Variants in HABP2 observed in about 807,000 individuals in gnomAD.
The protein encoded by HABP2 is factor VII-activating protease.
A neutral mutation model predicts 66.5 loss-of-function variants in HABP2; 65 were observed. The ratio of observed to expected loss-of-function variants is 0.98; its 90% CI spans 0.80 to 1.20. The LOEUF is 1.20. Among genes scored for constraint, HABP2 ranks in the 50% most tolerant of loss-of-function variants. The pLI, the probability that HABP2 is intolerant of heterozygous loss-of-function variation, is 0.00. For synonymous variants in HABP2, 263 were observed against 253.9 expected, an observed-to-expected ratio of 1.04 and a Z score of -0.34; for missense variants, 786 against 691.0, an observed-to-expected ratio of 1.14 and a Z score of -1.54.
chr10:113,551,816 T>C (rs1844903812), upstream of HABP2, among the ~76,000 whole-genome samples: 1 of 151,018 alleles, frequency 6.6e-6, no homozygotes, highest in African/African-American at 2.4e-5. Context: ...AAAATAATAA[T>C]AATAATAATA....
chr10:113,581,317 G>A (rs563100814), intron 8 of HABP2, among the ~76,000 whole-genome samples: 8 of 152,252 alleles, frequency 5.3e-5, no homozygotes, highest in Non-Finnish European at 1.0e-4. Context: ...CAAGTAAAAT[G>A]TTATCTCTGC....
chr10:113,576,664 A>G (rs191554162), intron 4 of HABP2, among the ~76,000 whole-genome samples: 2 of 152,180 alleles, frequency 1.3e-5, no homozygotes, highest in Admixed American at 1.3e-4. Flanking sequence ...GGCCTTAGGT[A>G]TATGTACAGC....
At chr10:113,552,079 G>T (rs980237427), upstream of HABP2, among the ~76,000 whole-genome samples, 1 of 152,248 alleles carries the variant, frequency 6.6e-6, no homozygotes, top group East Asian at 1.9e-4. Flanking sequence ...GGCCCTCCCC[G>T]GCTAGCAACT....
intron 11 of HABP2, among the ~76,000 whole-genome samples, chr10:113,584,804 C>T (rs969035245): frequency 3.3e-5 from 5 of 152,118 alleles, no homozygotes; most frequent in Non-Finnish European, 5.9e-5. Flanking sequence ...GTACTTTGCT[C>T]GGGGTTCTCC....
At chr10:113,570,081 C>T (rs1473857434) in intron 2 of HABP2, 2 of 152,214 alleles carry the variant, frequency 1.3e-5, no homozygotes, top group Non-Finnish European at 2.9e-5. Context: ...AAAGCTAAAA[C>T]CCAAGGACTT....
At chr10:113,554,905 C>T (rs539156260) in intron 1 of HABP2, among the ~76,000 whole-genome samples, 29 of 152,274 alleles carry the variant, frequency 1.9e-4, no homozygotes, top group African/African-American at 6.0e-4. Flanking sequence ...AGAGAGGATT[C>T]GGGGCTTTGG....
chr10:113,585,799 G>T lies in HABP2; in HGVS notation c.1379G>T (p.Gly460Val). Reference protein sequence around the residue: ...SGWGVTETGKGSRQLLDAKVK... With the variant: ...SGWGVTETGKVSRQLLDAKVK... Reference sequence around the variant, plus strand: ...CTCTGCACCTTCCCCACAGGAAAAGGGTCCCGCCAGCTCCTGGATGCCAAA... The same window carrying T: ...CTCTGCACCTTCCCCACAGGAAAAGTGTCCCGCCAGCTCCTGGATGCCAAA... Residue 460 changes from glycine to valine, a missense_variant, in exon 12 of 13, where the codon GGG becomes GTG. Coordinates refer to ENST00000351270, the MANE Select transcript of HABP2 (RefSeq NM_004132.5). 3 of 1,613,582 alleles carry T rather than the reference G, an allele frequency of 1.9e-6. No homozygotes were observed. The highest frequency in any genetic ancestry group is 2.2e-5 in the South Asian group (2 of 91,060).
intron 11 of HABP2, among the ~76,000 whole-genome samples, chr10:113,585,361 G>A (rs1321086527): frequency 6.6e-6 from 1 of 152,196 alleles, no homozygotes; most frequent in Non-Finnish European, 1.5e-5. Flanking sequence ...TTCAAAACAT[G>A]TTTTGATTGA....
chr10:113,566,059 C>T (rs1302236359), intron 1 of HABP2, among the ~76,000 whole-genome samples: 2 of 152,176 alleles, frequency 1.3e-5, no homozygotes, highest in Non-Finnish European at 2.9e-5. Flanking sequence ...AGGAAGCCTA[C>T]AGTAAAACAG....
At chr10:113,582,184 C>A (rs1845551738) in intron 9 of HABP2, 53 bp downstream of exon 9, 2 of 1,537,088 alleles carry the variant, frequency 1.3e-6, no homozygotes, top group African/African-American at 2.7e-5. Context: ...TGGGGGTGCT[C>A]TCCCCTTCCC....
At position 113,588,636 on chromosome 10, in the gene HABP2, C is replaced by A; in HGVS notation, c.*267C>A. Reference sequence around the variant, plus strand: ...TGTTTGCTTTCCTTACCCAATTGTACCTTCTAGAAAATCAGTGTTCACAGA... The same window carrying A: ...TGTTTGCTTTCCTTACCCAATTGTAACTTCTAGAAAATCAGTGTTCACAGA... On this transcript the variant is annotated 3_prime_UTR_variant, in exon 13 of 13. Coordinates refer to ENST00000351270, the MANE Select transcript of HABP2 (RefSeq NM_004132.5). 1 of 521,962 alleles carries A rather than the reference C, an allele frequency of 1.9e-6. No individual in the cohort carries two copies. Among genetic ancestry groups the A allele is most frequent in the South Asian group, 3.3e-5 (1 of 30,660 alleles). The allele number at this position is 521,962 out of a possible 1,614,324, so 32.3% of individuals were successfully genotyped here.
At chr10:113,585,554 T>C (rs1188377403) in intron 11 of HABP2, among the ~76,000 whole-genome samples, 1 of 152,128 alleles carries the variant, frequency 6.6e-6, no homozygotes, top group African/African-American at 2.4e-5. Flanking sequence ...ATGGCCTACC[T>C]GGGGAAAGAG....
chr10:113,551,173 C>T (rs949755777), upstream of HABP2, among the ~76,000 whole-genome samples: 5 of 152,200 alleles, frequency 3.3e-5, no homozygotes, highest in African/African-American at 7.2e-5. Context: ...ACTTATTGAG[C>T]GTCTATCCAG....
intron 1 of HABP2, among the ~76,000 whole-genome samples, chr10:113,554,316 T>C (rs1844952351): frequency 1.3e-5 from 2 of 152,346 alleles, no homozygotes; most frequent in South Asian, 2.1e-4. Flanking sequence ...CTCTGTCTTA[T>C]TAAGTACCTT....
At position 113,568,123 on chromosome 10, in the gene HABP2, G is replaced by A. The variant is rs533024824; in HGVS notation, c.106+598G>A. On this transcript the variant is annotated intron_variant, in intron 2 of 12. Coordinates refer to ENST00000351270, the MANE Select transcript of HABP2 (RefSeq NM_004132.5). The stretch of plus-strand genomic sequence containing the variant: ...TATTGTCTCCCTTTCCTGTGTCCTC[G>A]GCCTTGTGCCCACAGCGTGCGCAAG... 3.3e-5 allele frequency among the ~76,000 whole-genome samples: 5 copies of A among 152,252 alleles called. No individual in the cohort carries two copies. The South Asian group carries it at 6.2e-4, about 19-fold the overall frequency.
At chr10:113,559,132 G>A (rs910900073) in intron 1 of HABP2, among the ~76,000 whole-genome samples, 1 of 152,274 alleles carries the variant, frequency 6.6e-6, no homozygotes, top group Non-Finnish European at 1.5e-5. Flanking sequence ...TGGGATTACC[G>A]GCGTGAGCCA....
intron 1 of HABP2, among the ~76,000 whole-genome samples, chr10:113,562,274 G>C (rs1476607519): frequency 5.3e-5 from 8 of 152,140 alleles, no homozygotes; most frequent in East Asian, 3.9e-4. Flanking sequence ...TGGGAGAAGT[G>C]GGCAGTGGCT....
At chr10:113,562,925 C>T (rs1845126536) in intron 1 of HABP2, among the ~76,000 whole-genome samples, 1 of 152,238 alleles carries the variant, frequency 6.6e-6, no homozygotes, top group Admixed American at 6.5e-5. Context: ...AGCAAGGACT[C>T]TGATGTGAGA....
intron 11 of HABP2, among the ~76,000 whole-genome samples, chr10:113,584,807 G>A (rs977397703): frequency 2.0e-5 from 3 of 152,078 alleles, no homozygotes; most frequent in African/African-American, 4.8e-5. Context: ...CTTTGCTCGG[G>A]GTTCTCCACA....
Sources: allele counts gnomAD v4.1 joint callset (sites outside exome capture counted in the v4.1 genomes callset), GRCh38; gene constraint gnomAD v4.1.1; transcripts MANE v1.5; gene names NCBI Gene and HGNC (gene_info 2026-07-23, HGNC 2026-07-21).